The following ZMAT3 variants were observed in gnomAD, a reference collection of about 807,000 sequenced individuals.
ZMAT3 encodes the protein zinc finger matrin-type 3.
Under a neutral mutation model 32.3 loss-of-function variants are expected in ZMAT3, and 17 were observed. The observed-to-expected ratio is 0.53, with a 90% CI of 0.36 to 0.79. ZMAT3 has a LOEUF of 0.79. Ranked by LOEUF, ZMAT3 falls within the 30% of genes least tolerant of loss-of-function variation. The pLI is 0.00. For synonymous variants in ZMAT3, 120 were observed against 133.1 expected, an observed-to-expected ratio of 0.90 and a Z score of 0.68; for missense variants, 329 against 359.7, an observed-to-expected ratio of 0.91 and a Z score of 0.69.
rs538167034 is a variant in ZMAT3 at position 179,023,590 on chromosome 3, C to T, written c.*1427G>A. On this transcript the variant is annotated 3_prime_UTR_variant, in exon 6 of 6. Transcript: ENST00000311417. ...AAAACAAAATATCAAGCAATCTGAA[C>T]TTATGGTTTAGATCATGATATAAGC... 6.9e-6 allele frequency: 1 copy of T among 145,602 alleles called. No homozygotes were observed. The highest frequency in any genetic ancestry group is 1.5e-5 in the Non-Finnish European group (1 of 67,068). 9.0% of individuals were successfully genotyped at this position (145,602 alleles called of 1,614,324 possible). A position where few individuals can be genotyped will look rare whatever the true frequency, so the allele number is the denominator to read the frequency against.
At position 179,071,677 on chromosome 3, in the gene ZMAT3, G is replaced by GCC. The variant is rs989031526; in HGVS notation, c.-142_-141dup. 1.4e-4 allele frequency: 22 copies of GCC among 152,540 alleles called. 1 individual carries two copies. Among genetic ancestry groups the GCC allele is most frequent in the African/African-American group, 5.3e-4 (22 of 41,422 alleles). The allele number at this position is 152,540 out of a possible 1,614,324, so 9.4% of individuals were successfully genotyped here. ...ACGCCCGCCCTGCGCGCCCGGCTCG[G>GCC]CCCAGCTCGACCCAGCCTCTTCTCG... On this transcript the variant is annotated 5_prime_UTR_variant, in exon 1 of 6. Coordinates refer to ENST00000311417, the MANE Select transcript of ZMAT3 (RefSeq NM_022470.4).
intron 2 of ZMAT3, among the ~76,000 whole-genome samples, chr3:179,062,527 G>T (rs1239049763): frequency 1.3e-5 from 2 of 152,064 alleles, no homozygotes; most frequent in Non-Finnish European, 2.9e-5. Context: ...TAGACTAGAG[G>T]AGGAGGCAAA....
At position 179,024,899 on chromosome 3, in the gene ZMAT3, A is replaced by T; in HGVS notation, c.*118T>A. On this transcript the variant is annotated 3_prime_UTR_variant, in exon 6 of 6. Coordinates refer to ENST00000311417, the MANE Select transcript of ZMAT3 (RefSeq NM_022470.4). Reference sequence around the variant, plus strand: ...ACATCTCATGGTACCACTGTGGGTTACATGTATTAACATTAAGCAGAGGAA... The same window carrying T: ...ACATCTCATGGTACCACTGTGGGTTTCATGTATTAACATTAAGCAGAGGAA... 2.2e-6 allele frequency: 2 copies of T among 919,240 alleles called. No homozygotes were observed. The highest frequency in any genetic ancestry group is 3.3e-6 in the Non-Finnish European group (2 of 598,422). 56.9% of individuals were successfully genotyped at this position (919,240 alleles called of 1,614,324 possible).
rs201865163 is a variant in ZMAT3, at chr3:179,042,791, C to T, written c.271-11792G>A. On this transcript the variant is annotated intron_variant, in intron 2 of 5. Coordinates refer to ENST00000311417, the MANE Select transcript of ZMAT3 (RefSeq NM_022470.4). ...AGAAGAGGAAGTCAAATTGTCCCTG[C>T]TTGCAGATGACATGATTGTATATTT... Among the ~76,000 whole-genome samples, 42 of 152,240 alleles carry T rather than the reference C, an allele frequency of 2.8e-4. 1 individual carries two copies. Among genetic ancestry groups the T allele is most frequent in the African/African-American group, 9.9e-4 (41 of 41,550 alleles).
At position 179,024,872 on chromosome 3, in the gene ZMAT3, T is replaced by TTCAA; in HGVS notation, c.*144_*145insTTGA. On this transcript the variant is annotated 3_prime_UTR_variant, in exon 6 of 6. Coordinates refer to ENST00000311417, the MANE Select transcript of ZMAT3 (RefSeq NM_022470.4). Reference sequence around the variant, plus strand: ...GCCCCGCCCCCGGGCCCCCAGGTTTTGACATCTCATGGTACCACTGTGGGT... The same window carrying TTCAA: ...GCCCCGCCCCCGGGCCCCCAGGTTTTTCAAGACATCTCATGGTACCACTGTGGGT... 1 of 671,332 alleles carries TTCAA rather than the reference T, an allele frequency of 1.5e-6. No individual in the cohort carries two copies. The highest frequency in any genetic ancestry group is 2.4e-6 in the Non-Finnish European group (1 of 415,554). The allele number at this position is 671,332 out of a possible 1,614,324, so 41.6% of individuals were successfully genotyped here.
intron 2 of ZMAT3, among the ~76,000 whole-genome samples, chr3:179,034,556 C>T (rs1719478888): frequency 6.6e-6 from 1 of 152,172 alleles, no homozygotes; most frequent in Non-Finnish European, 1.5e-5. Context: ...TTTCAAATAC[C>T]ATGAGTAAGT....
At chr3:179,052,052 T>C (rs1344957340) in intron 2 of ZMAT3, among the ~76,000 whole-genome samples, 1 of 152,112 alleles carries the variant, frequency 6.6e-6, no homozygotes, top group Non-Finnish European at 1.5e-5. Context: ...GACTTAAATC[T>C]AAAACCTGAA....
In ZMAT3 at chr3:179,046,675, A is replaced by C. The variant is rs7433609; in HGVS notation, c.271-15676T>G. Among the ~76,000 whole-genome samples, 93,058 of 151,982 alleles carry C rather than the reference A, an allele frequency of 0.61. 28,666 individuals are homozygous for C. Among genetic ancestry groups the C allele is most frequent in the East Asian group, 0.8 (4,127 of 5,146 alleles). On this transcript the variant is annotated intron_variant, in intron 2 of 5. Coordinates refer to ENST00000311417, the MANE Select transcript of ZMAT3 (RefSeq NM_022470.4). This position sits in a 1 kb window ranked among gnomAD's most constrained non-coding sequence, Gnocchi z 4.3. ...GCTACAGATGAGGCACAGTGGGAGG[A>C]AGACCAGCCTTTAGGGCTGGGGGAT...
chr3:179,060,316 C>A (rs920764038), intron 2 of ZMAT3, among the ~76,000 whole-genome samples: 2 of 151,818 alleles, frequency 1.3e-5, no homozygotes, highest in Admixed American at 6.6e-5. Context: ...CAAGCAGAAC[C>A]ATGACAATAG....
At chr3:179,067,832 GAAAA>G in intron 1 of ZMAT3, 23 bp from the exon 2 acceptor site, 1 of 1,503,550 alleles carries the variant, frequency 6.7e-7, no homozygotes, top group Non-Finnish European at 9.0e-7. Context: ...CAAAAAAACA[GAAAA>G]AAAAACTCAC....
At chr3:179,033,623 A>G (rs1374066135) in intron 2 of ZMAT3, among the ~76,000 whole-genome samples, 1 of 152,134 alleles carries the variant, frequency 6.6e-6, no homozygotes, top group Non-Finnish European at 1.5e-5. Context: ...TGCCATTTAT[A>G]TGCCACAGAT....
At position 179,022,785 on chromosome 3, in the gene ZMAT3, G is replaced by C. The variant is rs1301849845; in HGVS notation, c.*2232C>G. 1 of 152,134 alleles carries C rather than the reference G, an allele frequency of 6.6e-6. No homozygotes were observed. Among genetic ancestry groups the C allele is most frequent in the Non-Finnish European group, 1.5e-5 (1 of 68,026 alleles). 9.4% of individuals were successfully genotyped at this position (152,134 alleles called of 1,614,324 possible). ...TCAAAGAACCACCACTTCAAGAGAA[G>C]ACAGTAACTGGATACTATACAAGGG... On this transcript the variant is annotated 3_prime_UTR_variant, in exon 6 of 6. Transcript: ENST00000311417.
Position 179,027,664 on chromosome 3 carries a change from G to A in ZMAT3, c.539C>T (p.Ala180Val), listed in dbSNP as rs750493002. The A allele has an allele frequency of 6.2e-7, 1 of 1,614,126 alleles. No individual in the cohort carries two copies. The highest frequency in any genetic ancestry group is 8.5e-7 in the Non-Finnish European group (1 of 1,180,020). Residue 180 changes from alanine to valine, a missense_variant, in exon 4 of 6, where the codon GCT (alanine) becomes GTT (valine). By Grantham distance (64) the Ala-to-Val change is moderately conservative. Transcript: ENST00000311417. ...NHAKRLRLAEAQSNSFSESSE... is the reference protein window; with the variant it reads ...NHAKRLRLAEVQSNSFSESSE... ...TACCTACGAGAATGAGTTACTCTGA[G>A]CTTCCGCCAGCCGCAGCCTCTTGGC...
chr3:179,059,057 A>G (rs1721016098), intron 2 of ZMAT3, among the ~76,000 whole-genome samples: 1 of 152,162 alleles, frequency 6.6e-6, no homozygotes, highest in African/African-American at 2.4e-5. Flanking sequence ...GGAGATTGTT[A>G]TTGGCTGTAC....
rs541703260 is a variant in ZMAT3 at position 179,027,590 on chromosome 3, TAA to T, written c.557+54_557+55del. The stretch of plus-strand genomic sequence containing the variant: ...AGAATCCCTTTCTACTCTTTTTCTT[TAA>T]AGACAGTCAATCTCACATAACACTT... On this transcript the variant is annotated intron_variant, in intron 4 of 5. Transcript: ENST00000311417. 1,019 of 1,613,852 alleles carry T rather than the reference TAA, an allele frequency of 6.3e-4. 9 individuals carry two copies. The African/African-American group carries it at 0.012, about 19-fold the overall frequency.
rs1228980299 is a variant in ZMAT3 at position 179,030,987 on chromosome 3, C to A, written c.283G>T (p.Gly95Cys). 1.2e-6 allele frequency: 2 copies of A among 1,613,148 alleles called. No homozygotes were observed. Among genetic ancestry groups the A allele is most frequent in the Non-Finnish European group, 1.7e-6 (2 of 1,179,590 alleles). ...AQAHYQGKNH[G>C]KKLRNYYAAN... is the part of the protein sequence containing the mutation. ...GCATAGTAATTTCGGAGTTTCTTAC[C>A]ATGATTTTTACCCTAGAAATAAAAA... Residue 95 changes from glycine (G) to cysteine (C), a missense_variant, in exon 3 of 6, where the codon GGT (glycine) becomes TGT (cysteine). Physicochemically the swap from Gly to Cys is radical, Grantham distance 159. Coordinates refer to ENST00000311417, the MANE Select transcript of ZMAT3 (RefSeq NM_022470.4).
At chr3:179,039,861 T>A (rs1411990452) in intron 2 of ZMAT3, among the ~76,000 whole-genome samples, 1 of 152,074 alleles carries the variant, frequency 6.6e-6, no homozygotes, top group Admixed American at 6.5e-5. Flanking sequence ...CTAACTAGAA[T>A]AAACACTGTA....
At chr3:179,063,714 T>C (rs773006008) in intron 2 of ZMAT3, among the ~76,000 whole-genome samples, 13 of 152,236 alleles carry the variant, frequency 8.5e-5, no homozygotes, top group Admixed American at 2.0e-4. Flanking sequence ...CATGCCAGCC[T>C]TGCCCTAAGT....
At chr3:179,066,954 A>G (rs1721445838) in intron 2 of ZMAT3, among the ~76,000 whole-genome samples, 2 of 152,226 alleles carry the variant, frequency 1.3e-5, no homozygotes, top group Non-Finnish European at 2.9e-5. Context: ...TCTCACCACA[A>G]AAAGATACCT....
Sources: allele counts gnomAD v4.1 joint callset (sites outside exome capture counted in the v4.1 genomes callset), GRCh38; gene constraint gnomAD v4.1.1; non-coding constraint Gnocchi (gnomAD v3.1); transcripts MANE v1.5; gene names NCBI Gene and HGNC (gene_info 2026-07-23, HGNC 2026-07-21).